The following RABGAP1L variants were observed in gnomAD, a reference collection of about 807,000 sequenced individuals.
The protein encoded by RABGAP1L is RAB GTPase activating protein 1 like, also known as rab GTPase-activating protein 1-like.
Under a neutral mutation model 137.7 loss-of-function variants are expected in RABGAP1L, and 63 were observed. That is an observed-to-expected ratio of 0.46 (90% CI 0.37 to 0.56). The LOEUF (loss-of-function observed/expected upper bound fraction) is 0.56. Among genes scored for constraint, RABGAP1L ranks in the 20% least tolerant of loss-of-function variants. The probability of loss-of-function intolerance (pLI) is 0.00; values close to 1 mark genes in which losing one functional copy is unlikely to be tolerated. For synonymous variants in RABGAP1L, 431 were observed against 433.7 expected (o/e 0.99, Z 0.08); for missense variants, 1,095 against 1,244.0 (o/e 0.88, Z 1.80).
intron 21 of RABGAP1L, among the ~76,000 whole-genome samples, chr1:174,974,663 A>G (rs1670492428): frequency 6.6e-6 from 1 of 152,156 alleles, no homozygotes; most frequent in Non-Finnish European, 1.5e-5. Flanking sequence ...TTTCGCCTTA[A>G]CTACCCAACG....
At chr1:174,294,497 G>T (rs922430413) in intron 10 of RABGAP1L, among the ~76,000 whole-genome samples, 1 of 152,208 alleles carries the variant, frequency 6.6e-6, no homozygotes, top group Admixed American at 6.5e-5. Context: ...TGAACAGATA[G>T]ATAGGTCATT....
At chr1:174,901,529 C>T (rs1658140970) in intron 19 of RABGAP1L, among the ~76,000 whole-genome samples, 1 of 152,132 alleles carries the variant, frequency 6.6e-6, no homozygotes, top group African/African-American at 2.4e-5. Flanking sequence ...TCCACCTGAG[C>T]CCTCCCATGA....
chr1:174,486,205 T>C lies in RABGAP1L; in HGVS notation c.1710+92060T>C, dbSNP rs575299060. ...ATCTCCTTTTTCACCTCTGATTCTATTTATTTGGTTCTTTTTTCTTTTTTT... is the reference window on the plus strand; with the variant it reads ...ATCTCCTTTTTCACCTCTGATTCTACTTATTTGGTTCTTTTTTCTTTTTTT... On this transcript the variant is annotated intron_variant, in intron 13 of 25. Coordinates refer to ENST00000681986, the MANE Select transcript of RABGAP1L (RefSeq NM_001366446.1). Among the ~76,000 whole-genome samples the C allele has an allele frequency of 5.4e-4, 78 of 145,414 alleles. 2 individuals carry two copies. The South Asian group carries it at 0.012, about 22-fold the overall frequency.
At chr1:174,683,883 T>C (rs1378779801) in intron 15 of RABGAP1L, among the ~76,000 whole-genome samples, 1 of 152,180 alleles carries the variant, frequency 6.6e-6, no homozygotes, top group Non-Finnish European at 1.5e-5. Flanking sequence ...TGCCCAAATA[T>C]CAGGACCTGG....
intron 15 of RABGAP1L, among the ~76,000 whole-genome samples, chr1:174,694,571 T>C (rs1474352244): frequency 1.3e-5 from 2 of 151,714 alleles, no homozygotes; most frequent in Middle Eastern, 3.2e-3. Flanking sequence ...GGTGTACATG[T>C]GCCACATTTT....
At chr1:174,256,822 T>C (rs927098001) in intron 7 of RABGAP1L, among the ~76,000 whole-genome samples, 1 of 152,024 alleles carries the variant, frequency 6.6e-6, no homozygotes, top group Admixed American at 6.6e-5. Flanking sequence ...CGAAAATATA[T>C]CCTGCTCCTC....
intron 18 of RABGAP1L, among the ~76,000 whole-genome samples, chr1:174,775,612 C>T (rs544994291): frequency 1.4e-4 from 21 of 152,090 alleles, no homozygotes; most frequent in South Asian, 6.2e-4. Flanking sequence ...TGTGCCTGGC[C>T]GGGAGAAAAC....
chr1:174,556,395 AG>A (rs1475683502), intron 13 of RABGAP1L, among the ~76,000 whole-genome samples: 1 of 152,210 alleles, frequency 6.6e-6, no homozygotes, highest in Non-Finnish European at 1.5e-5. Context: ...ACAAAATCAA[AG>A]TTTTTAGAAA....
At chr1:174,299,234 C>A (rs150170760) in intron 10 of RABGAP1L, among the ~76,000 whole-genome samples, 67 of 152,346 alleles carry the variant, frequency 4.4e-4, no homozygotes, top group African/African-American at 1.5e-3. Context: ...TGAGCCTAAT[C>A]ATGGGTTTGT....
At chr1:174,500,207 G>A (rs1480198636) in intron 13 of RABGAP1L, among the ~76,000 whole-genome samples, 1 of 151,964 alleles carries the variant, frequency 6.6e-6, no homozygotes, top group Non-Finnish European at 1.5e-5. Flanking sequence ...AGCTTTCAGA[G>A]TAGCTGAGAT....
At chr1:174,655,788 T>C (rs1277918047) in intron 14 of RABGAP1L, among the ~76,000 whole-genome samples, 1 of 152,234 alleles carries the variant, frequency 6.6e-6, no homozygotes, top group East Asian at 1.9e-4. Flanking sequence ...GGTGTTCAAA[T>C]TGTCCCCATA....
At chr1:174,286,472 C>A (rs1676060993) in intron 10 of RABGAP1L, among the ~76,000 whole-genome samples, 1 of 151,536 alleles carries the variant, frequency 6.6e-6, no homozygotes, top group Non-Finnish European at 1.5e-5. Flanking sequence ...CTTGGCTATT[C>A]TAGTTAAAGT....
At chr1:174,176,713 GAAAAAAAAAAAAAAAAAAAA>G (rs71563251) in intron 1 of RABGAP1L, among the ~76,000 whole-genome samples, 3 of 21,550 alleles carry the variant, frequency 1.4e-4, no homozygotes, top group Non-Finnish European at 1.8e-4. Flanking sequence ...CCCTTTTTCA[GAAAAAAAAAAAAAAAAAAAA>G]AAAAAAAAAA....
intron 11 of RABGAP1L, among the ~76,000 whole-genome samples, chr1:174,368,334 G>A (rs1684823264): frequency 6.6e-6 from 1 of 152,130 alleles, no homozygotes; most frequent in East Asian, 1.9e-4. Context: ...TATGTCTTTC[G>A]AGTATGTGTT....
chr1:174,587,449 TA>T (rs1557873197), intron 13 of RABGAP1L, among the ~76,000 whole-genome samples: 4 of 148,046 alleles, frequency 2.7e-5, no homozygotes, highest in African/African-American at 9.9e-5. Flanking sequence ...ATAATAATAA[TA>T]AATAAAATAA....
At chr1:174,374,931 T>C (rs933439928) in intron 12 of RABGAP1L, among the ~76,000 whole-genome samples, 1 of 152,188 alleles carries the variant, frequency 6.6e-6, no homozygotes, top group Admixed American at 6.5e-5. Flanking sequence ...ATCACCATTC[T>C]TGAGGAATTT....
chr1:174,281,588 T>C (rs1168243611), intron 10 of RABGAP1L, among the ~76,000 whole-genome samples: 1 of 152,048 alleles, frequency 6.6e-6, no homozygotes. Context: ...ATTAATTAGG[T>C]GTAAGTGGGA....
At chr1:174,883,820 GGTTA>G (rs1301416209) in intron 19 of RABGAP1L, among the ~76,000 whole-genome samples, 11 of 152,120 alleles carry the variant, frequency 7.2e-5, no homozygotes, top group African/African-American at 2.7e-4. Context: ...TACACATGTT[GGTTA>G]GTTCTCACAA....
chr1:174,178,963 A>G (rs535278954), intron 1 of RABGAP1L, among the ~76,000 whole-genome samples: 2 of 152,240 alleles, frequency 1.3e-5, no homozygotes, highest in Non-Finnish European at 2.9e-5. Context: ...ACAAGCCTGC[A>G]CATTCTGCAC....
Sources: gnomAD v4.1 joint callset for allele counts (sites outside exome capture counted in the v4.1 genomes callset) on GRCh38, gnomAD v4.1.1 for gene constraint, MANE v1.5 for transcripts, NCBI Gene and HGNC (gene_info 2026-07-23, HGNC 2026-07-21) for gene names.